EZH2: variants seen among roughly 807,000 people sequenced by gnomAD.
EZH2 encodes histone-lysine N-methyltransferase EZH2.
A neutral mutation model predicts 98.4 loss-of-function variants in EZH2; 18 were observed. The observed-to-expected ratio is 0.18, with a 90% CI of 0.13 to 0.27. EZH2 has a LOEUF of 0.27. Among genes scored for constraint, EZH2 ranks in the 10% least tolerant of loss-of-function variants. The probability of loss-of-function intolerance (pLI) is 1.00; values close to 1 mark genes in which losing one functional copy is unlikely to be tolerated. For synonymous variants in EZH2, 338 were observed against 312.3 expected (o/e 1.08, Z -0.87); for missense variants, 470 against 935.1 (o/e 0.50, Z 6.49).
In EZH2 at chr7:148,814,927, T is replaced by A; in HGVS notation, c.1659A>T (p.Gln553His). Residue 553 changes from glutamine to histidine, a missense_variant, in exon 14 of 20, where the codon CAA becomes CAT. Physicochemically the swap from Gln to His is conservative, Grantham distance 24. Transcript: ENST00000320356. ...ACAAATACTTACACTCTGAACTACA[T>A]TGACAAAACTTTTCACAAAAATTTT... ...IAQNFCEKFC[Q>H]CSSECQNRFP... 1 of 1,612,940 alleles carries A rather than the reference T, an allele frequency of 6.2e-7. No individual in the cohort carries two copies. Among genetic ancestry groups the A allele is most frequent in the Non-Finnish European group, 8.5e-7 (1 of 1,179,920 alleles).
intron 1 of EZH2, among the ~76,000 whole-genome samples, chr7:148,876,802 A>G (rs1820237147): frequency 6.6e-6 from 1 of 152,122 alleles, no homozygotes; most frequent in African/African-American, 2.4e-5. Flanking sequence ...AGTCTCCCTT[A>G]TATGTTCTTC....
intron 12 of EZH2, 32 bp downstream of exon 12, chr7:148,816,652 G>C (rs1563208125): frequency 6.5e-7 from 1 of 1,539,160 alleles, no homozygotes; most frequent in Non-Finnish European, 9.0e-7. Flanking sequence ...TATCTATGTT[G>C]ACTTCTCTAA....
chr7:148,842,201 G>T (rs1243268500), intron 3 of EZH2, among the ~76,000 whole-genome samples: 1 of 152,128 alleles, frequency 6.6e-6, no homozygotes, highest in Non-Finnish European at 1.5e-5. Flanking sequence ...CATACCATTT[G>T]CCCAGAAGAC....
chr7:148,843,362 C>A (rs926067059), intron 3 of EZH2, among the ~76,000 whole-genome samples: 2 of 151,944 alleles, frequency 1.3e-5, no homozygotes, highest in Non-Finnish European at 2.9e-5. Context: ...CAGAGCAAGA[C>A]CCTGTCACAA....
At chr7:148,875,691 T>A (rs1820075196) in intron 1 of EZH2, among the ~76,000 whole-genome samples, 1 of 152,088 alleles carries the variant, frequency 6.6e-6, no homozygotes, top group Non-Finnish European at 1.5e-5. Context: ...TGGAAAAGAG[T>A]TTAACGGTTT....
chr7:148,855,923 T>C (rs1385798004), intron 1 of EZH2, among the ~76,000 whole-genome samples: 1 of 121,084 alleles, frequency 8.3e-6, no homozygotes, highest in Non-Finnish European at 1.8e-5. Flanking sequence ...AAAAAAAAAG[T>C]AGTGACTATC....
At chr7:148,856,346 G>A (rs888422509) in intron 1 of EZH2, among the ~76,000 whole-genome samples, 2 of 152,184 alleles carry the variant, frequency 1.3e-5, no homozygotes, top group Admixed American at 1.3e-4. Context: ...TAAGCAAGAG[G>A]TGGTGATGAA....
At chr7:148,813,295 AAG>A (rs1033350916) in intron 15 of EZH2, among the ~76,000 whole-genome samples, 1 of 151,350 alleles carries the variant, frequency 6.6e-6, no homozygotes, top group Non-Finnish European at 1.5e-5. Context: ...TTATTATAAA[AAG>A]AACTGACTGA....
At chr7:148,826,867 A>G (rs1448844437) in intron 7 of EZH2, among the ~76,000 whole-genome samples, 1 of 152,248 alleles carries the variant, frequency 6.6e-6, no homozygotes, top group Non-Finnish European at 1.5e-5. Context: ...AGTTTTAACT[A>G]AACATCAAAT....
At chr7:148,869,868 C>T (rs912923447) in intron 1 of EZH2, among the ~76,000 whole-genome samples, 6 of 145,792 alleles carry the variant, frequency 4.1e-5, no homozygotes, top group Non-Finnish European at 7.4e-5. Context: ...GGCAGAGCCT[C>T]GCCCAGAGCC....
chr7:148,848,340 G>A (rs1443038697), intron 1 of EZH2, among the ~76,000 whole-genome samples: 4 of 152,200 alleles, frequency 2.6e-5, no homozygotes, highest in Non-Finnish European at 4.4e-5. Flanking sequence ...CCACACTGGC[G>A]ATGACAGGGA....
chr7:148,833,472 A>T (rs1810001609), intron 3 of EZH2, among the ~76,000 whole-genome samples: 1 of 24,876 alleles, frequency 4.0e-5, no homozygotes, highest in African/African-American at 2.0e-4. Context: ...AAAAAAAAAT[A>T]AAATAAAATA....
chr7:148,862,894 GGTTT>G (rs990248876), intron 1 of EZH2, among the ~76,000 whole-genome samples: 1 of 150,252 alleles, frequency 6.7e-6, no homozygotes, highest in African/African-American at 2.5e-5. Context: ...TGTCCAACAT[GGTTT>G]TTTTGTTTGT....
intron 1 of EZH2, among the ~76,000 whole-genome samples, chr7:148,858,134 T>C (rs1817115675): frequency 6.6e-6 from 1 of 151,554 alleles, no homozygotes; most frequent in Non-Finnish European, 1.5e-5. Flanking sequence ...CTACTAAAAA[T>C]ACAAAAAATT....
rs1808721747 is a variant in EZH2 at position 148,829,533 on chromosome 7, C to CCTAA, written c.484+191_484+194dup. Among the ~76,000 whole-genome samples, 4 of 152,178 alleles carry CCTAA rather than the reference C, an allele frequency of 2.6e-5. 1 individual carries two copies. The South Asian group carries it at 8.3e-4, about 32-fold the overall frequency. The stretch of plus-strand genomic sequence containing the variant: ...ATTATCAGGTGGCAAACATGATCCT[C>CCTAA]CTAACTAATTTTCCCAAAAATAGTT... On this transcript the variant is annotated intron_variant, in intron 5 of 19. Coordinates refer to ENST00000320356, the MANE Select transcript of EZH2 (RefSeq NM_004456.5).
intron 1 of EZH2, among the ~76,000 whole-genome samples, chr7:148,883,676 C>A (rs1821365432): frequency 1.3e-5 from 2 of 151,590 alleles, no homozygotes; most frequent in Middle Eastern, 3.4e-3. Flanking sequence ...CGCGCCGAGC[C>A]CTCCGGAGAC....
At chr7:148,843,649 G>A (rs1461033544) in intron 3 of EZH2, among the ~76,000 whole-genome samples, 2 of 119,488 alleles carry the variant, frequency 1.7e-5, no homozygotes, top group Non-Finnish European at 3.2e-5. Flanking sequence ...AGGCTGGAGT[G>A]CAGTGGCGCG....
chr7:148,837,473 G>A (rs1289194891), intron 3 of EZH2, among the ~76,000 whole-genome samples: 3 of 152,312 alleles, frequency 2.0e-5, no homozygotes, highest in African/African-American at 7.2e-5. Flanking sequence ...TGCAGGACTT[G>A]AGGAAAGAAA....
chr7:148,825,042 T>C (rs538262624), intron 8 of EZH2, among the ~76,000 whole-genome samples: 8 of 152,342 alleles, frequency 5.3e-5, no homozygotes, highest in Admixed American at 2.0e-4. Flanking sequence ...GTCCTACTTC[T>C]ATGGTTCATT....
Sources: gnomAD v4.1 joint callset for allele counts (sites outside exome capture counted in the v4.1 genomes callset) on GRCh38, gnomAD v4.1.1 for gene constraint, MANE v1.5 for transcripts, NCBI Gene and HGNC (gene_info 2026-07-23, HGNC 2026-07-21) for gene names.